The following RRP1 variants were observed in gnomAD, a reference collection of about 807,000 sequenced individuals.
The protein encoded by RRP1 is ribosomal RNA processing protein 1 homolog A.
In RRP1, 37 loss-of-function variants were observed where a neutral mutation model predicts 54.6. The observed-to-expected ratio is 0.68, with a 90% confidence interval of 0.52 to 0.89. RRP1 has a LOEUF of 0.89. RRP1 is among the 40% of genes least tolerant of loss of function. The pLI is 0.00. For missense variants in RRP1, 639 were observed against 612.5 expected (o/e 1.04, Z -0.46); for synonymous variants, 262 against 244.3 (o/e 1.07, Z -0.67).
At chr21:43,799,758 T>C in intron 9 of RRP1, 109 bp downstream of exon 9, 1 of 1,067,542 alleles carries the variant, frequency 9.4e-7, no homozygotes, top group East Asian at 2.5e-5. Flanking sequence ...GCTGTTGGCA[T>C]GGAGAGTTAC....
intron 8 of RRP1, among the ~76,000 whole-genome samples, chr21:43,798,933 G>A (rs867911923): frequency 3.4e-5 from 3 of 89,252 alleles, no homozygotes; most frequent in Middle Eastern, 6.0e-3. Flanking sequence ...CACTTGGCCC[G>A]GCCACCCTGT....
chr21:43,791,174 C>T (rs57450235), intron 1 of RRP1, 176 bp from the exon 2 acceptor site: 45,608 of 680,394 alleles, frequency 0.067, 2,005 homozygotes, highest in South Asian at 0.14. Flanking sequence ...GCCACAGGCG[C>T]GGCAGGTTCT....
intron 8 of RRP1, among the ~76,000 whole-genome samples, chr21:43,798,549 G>A (rs966930614): frequency 6.6e-6 from 1 of 152,030 alleles, no homozygotes; most frequent in African/African-American, 2.4e-5. Context: ...CGTGTTCCTC[G>A]TTCCTGGCCC....
At chr21:43,792,863 G>A in intron 3 of RRP1, 134 bp downstream of exon 3, 1 of 856,956 alleles carries the variant, frequency 1.2e-6, no homozygotes, top group Non-Finnish European at 1.9e-6. Context: ...GCGCCAGCTG[G>A]TGTCTGTGGG....
At chr21:43,802,609 C>T (rs1235902897) in intron 12 of RRP1, 10 of 529,548 alleles carry the variant, frequency 1.9e-5, no homozygotes, top group East Asian at 3.4e-5. Context: ...GCAGCTCCCC[C>T]GAGCTGTGTG....
intron 5 of RRP1, among the ~76,000 whole-genome samples, chr21:43,795,470 A>T (rs2085009524): frequency 6.6e-6 from 1 of 152,178 alleles, no homozygotes; most frequent in African/African-American, 2.4e-5. Flanking sequence ...TCTCACTGGG[A>T]GTCAGAAGGG....
At chr21:43,799,273 G>T (rs2085056743) in intron 8 of RRP1, among the ~76,000 whole-genome samples, 1 of 151,996 alleles carries the variant, frequency 6.6e-6, no homozygotes. Context: ...TCAGGGCTGT[G>T]TAGGCACCTG....
chr21:43,799,704 G>A (rs949753904), intron 9 of RRP1, 55 bp downstream of exon 9: 24 of 1,517,468 alleles, frequency 1.6e-5, no homozygotes, highest in Admixed American at 7.5e-5. Context: ...CTGTGCTACC[G>A]CTTGCTCTGG....
chr21:43,793,465 G>A, intron 4 of RRP1, 61 bp downstream of exon 4: 4 of 1,431,868 alleles, frequency 2.8e-6, no homozygotes, highest in Non-Finnish European at 3.9e-6. Flanking sequence ...GCCTGGCCAA[G>A]CGAGACAGGC....
At position 43,798,014 on chromosome 21, in the gene RRP1, AGGT is replaced by A. The variant is rs2085041694; in HGVS notation, c.728_730del (p.Val243del). The stretch of plus-strand genomic sequence containing the variant: ...AATGAACTGGACACACAGGATGAGG[AGGT>A]GGCGTCGGACAGTGATGAGTCCTCT... On this transcript the variant is annotated inframe_deletion, in exon 8 of 13. Transcript: ENST00000497547. 2 of 1,614,150 alleles carry A rather than the reference AGGT, an allele frequency of 1.2e-6. No homozygotes were observed. The highest frequency in any genetic ancestry group is 1.7e-6 in the Non-Finnish European group (2 of 1,180,002).
At chr21:43,794,075 G>A (rs2084989542) in intron 4 of RRP1, among the ~76,000 whole-genome samples, 1 of 152,182 alleles carries the variant, frequency 6.6e-6, no homozygotes, top group African/African-American at 2.4e-5. Flanking sequence ...ACACTGAAAG[G>A]GGCCATGTCC....
intron 9 of RRP1, 26 bp downstream of exon 9, chr21:43,799,675 G>T: frequency 6.3e-7 from 1 of 1,594,694 alleles, no homozygotes; most frequent in South Asian, 1.1e-5. Context: ...TCATGGCTGT[G>T]CCCTCAGCCT....
chr21:43,793,522 A>AGGGGTGGGAGGTGGAGCCGAGACTC (rs2084982461), intron 4 of RRP1, 118 bp downstream of exon 4: 2 of 772,056 alleles, frequency 2.6e-6, no homozygotes, highest in Non-Finnish European at 4.3e-6. Context: ...CCCTGAAGCC[A>AGGGGTGGGAGGTGGAGCCGAGACTC]GGGGTGGGAG....
In RRP1 at chr21:43,793,362, G is replaced by C. The variant is rs982540625; in HGVS notation, c.318G>C (p.Glu106Asp). The C allele has an allele frequency of 6.2e-7, 1 of 1,614,076 alleles. No homozygotes were observed. The highest frequency in any genetic ancestry group is 1.3e-5 in the African/African-American group (1 of 75,074). The change falls in exon 4 of 13, where the codon GAG (glutamate) becomes GAC (aspartate). Residue 106 changes from glutamate to aspartate, a missense_variant. Glu to Asp is a conservative substitution (Grantham distance 45). Transcript: ENST00000497547. ...CCTTCTGGCAGACCATGAATCGCGAGTGGACGGGCATTGACAGGCTGCGCC... is the reference window on the plus strand; with the variant it reads ...CCTTCTGGCAGACCATGAATCGCGACTGGACGGGCATTGACAGGCTGCGCC... ...LQAFWQTMNR[E>D]WTGIDRLRLD...
rs1212397543 is a variant in RRP1 at position 43,799,467 on chromosome 21, C to T, written c.812-103C>T. ...TTCCCGGGTGTTTCCCGCCTGTGCCCGTGCTCCGACCAGGGTGCACGGAGC... is the reference window on the plus strand; with the variant it reads ...TTCCCGGGTGTTTCCCGCCTGTGCCTGTGCTCCGACCAGGGTGCACGGAGC... On this transcript the variant is annotated intron_variant, in intron 8 of 12. Coordinates refer to ENST00000497547, the MANE Select transcript of RRP1 (RefSeq NM_003683.6). 2.5e-5 allele frequency: 31 copies of T among 1,237,160 alleles called. No homozygotes were observed. The South Asian group carries it at 2.6e-4, about 10-fold the overall frequency. 76.6% of individuals were successfully genotyped at this position (1,237,160 alleles called of 1,614,324 possible).
At chr21:43,800,949 T>C (rs1422759880) in intron 11 of RRP1, 68 bp downstream of exon 11, 1 of 1,576,036 alleles carries the variant, frequency 6.3e-7, no homozygotes, top group Non-Finnish European at 8.7e-7. Flanking sequence ...GTGGGAGTGG[T>C]TTGGTTCTAG....
intron 2 of RRP1, among the ~76,000 whole-genome samples, chr21:43,792,393 C>T (rs1359976102): frequency 6.6e-6 from 1 of 152,242 alleles, no homozygotes; most frequent in African/African-American, 2.4e-5. Context: ...GGCACAGCCT[C>T]TGTCAAGAGG....
rs1296244309 is a variant in RRP1, at chr21:43,795,219, A to G, written c.391A>G (p.Lys131Glu). 1 of 1,613,840 alleles carries G rather than the reference A, an allele frequency of 6.2e-7. No homozygotes were observed. Among genetic ancestry groups the G allele is most frequent in the Non-Finnish European group, 8.5e-7 (1 of 1,179,966 alleles). Residue 131 changes from lysine to glutamate, a missense_variant, in exon 5 of 13, where the codon AAG becomes GAG. Physicochemically the swap from Lys to Glu is moderately conservative, Grantham distance 56. Coordinates refer to ENST00000497547, the MANE Select transcript of RRP1 (RefSeq NM_003683.6). ...GCGGATGGTCCTGAACGAGTCCTTG[A>G]AGGTTCTGAAGATGCAAGGCTGGGA... ...LMRMVLNESL[K>E]VLKMQGWEER...
Position 43,797,557 on chromosome 21 carries a change from G to A in RRP1, c.552+6G>A, listed in dbSNP as rs755670933. On this transcript the variant is annotated splice_donor_region_variant and intron_variant, in intron 6 of 12. Transcript: ENST00000497547. ...CCAAAGTGGGCGCCGAGGAGGTGAG[G>A]CTGGGCTCCGACGGGGCGGTGGAGC... 2 of 1,614,008 alleles carry A rather than the reference G, an allele frequency of 1.2e-6. No homozygotes were observed. The highest frequency in any genetic ancestry group is 2.2e-5 in the South Asian group (2 of 91,082).
Sources: allele counts gnomAD v4.1 joint callset (sites outside exome capture counted in the v4.1 genomes callset), GRCh38; gene constraint gnomAD v4.1.1; transcripts MANE v1.5; gene names NCBI Gene and HGNC (gene_info 2026-07-23, HGNC 2026-07-21).